The following SCARA5 variants were observed in gnomAD, a reference collection of about 807,000 sequenced individuals.
SCARA5 encodes scavenger receptor class A, member 5 (putative).
SCARA5 carries 45 observed loss-of-function variants against 46.3 expected under a neutral mutation model. The observed-to-expected ratio is 0.97, with a 90% CI of 0.76 to 1.24. SCARA5 has a LOEUF of 1.24. Among genes scored for constraint, SCARA5 ranks in the 50% most tolerant of loss-of-function variants. The probability of loss-of-function intolerance (pLI) is 0.00; values close to 1 mark genes in which losing one functional copy is unlikely to be tolerated. For synonymous variants in SCARA5, 333 were observed against 306.5 expected (o/e 1.09, Z -0.90); for missense variants, 680 against 689.0 (o/e 0.99, Z 0.15).
chr8:27,885,314 T>C (rs1181265634), intron 7 of SCARA5, among the ~76,000 whole-genome samples: 1 of 152,150 alleles, frequency 6.6e-6, no homozygotes, highest in Non-Finnish European at 1.5e-5. Context: ...TGGCCTAAGC[T>C]TTCCTTGTCT....
chr8:27,907,320 T>C (rs1807280230), intron 5 of SCARA5, 74 bp from the exon 6 acceptor site: 1 of 1,104,106 alleles, frequency 9.1e-7, no homozygotes, highest in Non-Finnish European at 1.3e-6. Flanking sequence ...ATCGTCGGGT[T>C]CAAGGCTCAG....
chr8:27,953,674 G>A (rs180981876), intron 3 of SCARA5, among the ~76,000 whole-genome samples: 1 of 152,216 alleles, frequency 6.6e-6, no homozygotes, highest in East Asian at 1.9e-4. Context: ...ACACACATGA[G>A]ATGCATGGCG....
At chr8:27,879,816 C>G (rs779337205) in intron 7 of SCARA5, 50 bp from the exon 8 acceptor site, 2 of 1,581,164 alleles carry the variant, frequency 1.3e-6, no homozygotes, top group South Asian at 1.1e-5. Context: ...CACCAGGACC[C>G]GCCCCCAGGG....
chr8:27,915,643 C>T (rs1807449428), intron 4 of SCARA5, among the ~76,000 whole-genome samples: 2 of 152,310 alleles, frequency 1.3e-5, no homozygotes, highest in Non-Finnish European at 2.9e-5. Context: ...TGTGTTTTTT[C>T]TCACGAAATC....
At chr8:27,892,522 G>C (rs376846849) in intron 7 of SCARA5, among the ~76,000 whole-genome samples, 2 of 152,124 alleles carry the variant, frequency 1.3e-5, no homozygotes, top group African/African-American at 4.8e-5. Flanking sequence ...TAACTCAGGA[G>C]GGTGGAAGGA....
intron 3 of SCARA5, among the ~76,000 whole-genome samples, chr8:27,953,759 G>A (rs1012623229): frequency 5.9e-5 from 9 of 152,238 alleles, no homozygotes; most frequent in Admixed American, 5.9e-4. Context: ...AAGGAGGGTC[G>A]GGCCCATTGG....
intron 3 of SCARA5, among the ~76,000 whole-genome samples, chr8:27,945,549 T>C (rs778232128): frequency 2.0e-5 from 3 of 152,208 alleles, no homozygotes; most frequent in Non-Finnish European, 4.4e-5. Flanking sequence ...GGGATTTAAC[T>C]ACATAAAGAT....
At chr8:27,974,931 A>T (rs1299762725) in intron 2 of SCARA5, among the ~76,000 whole-genome samples, 2 of 152,146 alleles carry the variant, frequency 1.3e-5, no homozygotes, top group Non-Finnish European at 2.9e-5. Flanking sequence ...GGCAAAAAAA[A>T]ATCTTCTAAA....
intron 8 of SCARA5, among the ~76,000 whole-genome samples, chr8:27,873,087 A>G (rs1806666124): frequency 6.6e-6 from 1 of 152,186 alleles, no homozygotes; most frequent in African/African-American, 2.4e-5. Flanking sequence ...TAGCTTTAGA[A>G]CTGATAGCTG....
chr8:27,953,272 C>T (rs1808157673), intron 3 of SCARA5, among the ~76,000 whole-genome samples: 1 of 152,214 alleles, frequency 6.6e-6, no homozygotes, highest in Admixed American at 6.5e-5. Context: ...GGTGGGTCTG[C>T]TGCAGGAGCC....
chr8:27,978,089 C>T (rs753170754), intron 2 of SCARA5, among the ~76,000 whole-genome samples: 20 of 142,438 alleles, frequency 1.4e-4, no homozygotes, highest in Admixed American at 2.2e-4. Context: ...TGCAGTGGCG[C>T]GATCTTGGCT....
intron 2 of SCARA5, among the ~76,000 whole-genome samples, chr8:27,974,195 G>C (rs930480706): frequency 6.6e-6 from 1 of 152,176 alleles, no homozygotes; most frequent in African/African-American, 2.4e-5. Flanking sequence ...AAAAGCATGG[G>C]TCTGGGGCTC....
chr8:27,985,292 G>A (rs1808689433), intron 2 of SCARA5, among the ~76,000 whole-genome samples: 1 of 152,160 alleles, frequency 6.6e-6, no homozygotes, highest in Non-Finnish European at 1.5e-5. Flanking sequence ...GACCAAGTGG[G>A]AGGGGGCAGT....
chr8:27,886,333 C>T (rs1806894774), intron 7 of SCARA5, among the ~76,000 whole-genome samples: 1 of 152,232 alleles, frequency 6.6e-6, no homozygotes, highest in South Asian at 2.1e-4. Context: ...CTCCCCTGGA[C>T]TCACCCAAAT....
intron 4 of SCARA5, among the ~76,000 whole-genome samples, chr8:27,921,191 C>T (rs1480166583): frequency 6.6e-6 from 1 of 152,238 alleles, no homozygotes; most frequent in Non-Finnish European, 1.5e-5. Context: ...CTACTCCCGG[C>T]CTGAGCCAGT....
chr8:27,904,420 T>C, intron 7 of SCARA5: 1 of 448,212 alleles, frequency 2.2e-6, no homozygotes, highest in Non-Finnish European at 3.9e-6. Context: ...GATTAACTCA[T>C]TCAATTTTCA....
At chr8:27,914,399 TC>T (rs1246005915) in intron 4 of SCARA5, among the ~76,000 whole-genome samples, 1 of 152,088 alleles carries the variant, frequency 6.6e-6, no homozygotes, top group Non-Finnish European at 1.5e-5. Context: ...GGTGGGGAGA[TC>T]CTCGTGCACA....
chr8:27,871,645 T>C lies in SCARA5; in HGVS notation c.*289A>G, dbSNP rs1040724470. The C allele has an allele frequency of 9.2e-6, 12 of 1,300,636 alleles. No individual in the cohort carries two copies. In the South Asian group the frequency reaches 1.5e-4, roughly 17 times the overall value. 80.6% of individuals were successfully genotyped at this position (1,300,636 alleles called of 1,614,324 possible). A position where few individuals can be genotyped will look rare whatever the true frequency, so the allele number is the denominator to read the frequency against. The stretch of plus-strand genomic sequence containing the variant: ...AACTGGGATATTGAGGCCTGGTGCA[T>C]GGTGTTCAGAGGCTGGGCAAAGTGG... On this transcript the variant is annotated 3_prime_UTR_variant, in exon 9 of 9. Transcript: ENST00000354914.
chr8:27,955,355 T>C (rs935370710), intron 3 of SCARA5, among the ~76,000 whole-genome samples: 5 of 152,088 alleles, frequency 3.3e-5, no homozygotes, highest in African/African-American at 1.2e-4. Flanking sequence ...CTTGGATTGC[T>C]CCAAAAAGGG....
Sources: gnomAD v4.1 joint callset for allele counts (sites outside exome capture counted in the v4.1 genomes callset) on GRCh38, gnomAD v4.1.1 for gene constraint, MANE v1.5 for transcripts, NCBI Gene and HGNC (gene_info 2026-07-23, HGNC 2026-07-21) for gene names.